UCMA: variants seen among roughly 807,000 people sequenced by gnomAD.
The protein encoded by UCMA is upper zone of growth plate and cartilage matrix associated.
In UCMA, 21 loss-of-function variants were observed where a neutral mutation model predicts 21.8. The ratio of observed to expected loss-of-function variants is 0.97; its 90% confidence interval spans 0.68 to 1.39. The LOEUF is 1.39. UCMA is among the 40% of genes most tolerant of loss of function. The pLI is 0.00. For missense variants in UCMA, 193 were observed against 178.9 expected (o/e 1.08, Z -0.45); for synonymous variants, 76 against 67.9 (o/e 1.12, Z -0.58).
chr10:13,228,014 C>T (rs1358736822), intron 4 of UCMA, among the ~76,000 whole-genome samples: 6 of 151,970 alleles, frequency 3.9e-5, no homozygotes, highest in South Asian at 4.2e-4. Flanking sequence ...TTGAGGGGTG[C>T]GGAATGCCTG....
At chr10:13,229,538 G>T in intron 4 of UCMA, 73 bp downstream of exon 4, 15 of 1,322,584 alleles carry the variant, frequency 1.1e-5, no homozygotes, top group South Asian at 2.6e-5. Context: ...TTGGGTAGAA[G>T]AAGAGAAAGC....
intron 3 of UCMA, among the ~76,000 whole-genome samples, chr10:13,232,942 T>TA (rs5783320): frequency 0.29 from 43,082 of 146,068 alleles, 8,269 homozygotes; most frequent in Non-Finnish European, 0.43. Flanking sequence ...AATGAAAACT[T>TA]AAAAAAAAAA....
At position 13,222,088 on chromosome 10, in the gene UCMA, G is replaced by A. The variant is rs774310569; in HGVS notation, c.*15C>T. On this transcript the variant is annotated 3_prime_UTR_variant, in exon 5 of 5. Coordinates refer to ENST00000378681, the MANE Select transcript of UCMA (RefSeq NM_145314.3). The stretch of plus-strand genomic sequence containing the variant: ...TGCTACAAGCTTTGTCTTCTTGGCC[G>A]GCTTCAGGATGGGATCAGGTGTGGT... 2.1e-5 allele frequency: 34 copies of A among 1,613,636 alleles called. No homozygotes were observed. The highest frequency in any genetic ancestry group is 8.9e-5 in the East Asian group (4 of 44,888).
chr10:13,234,366 G>A lies in UCMA; in HGVS notation c.-108C>T. On this transcript the variant is annotated 5_prime_UTR_variant, in exon 1 of 5. Coordinates refer to ENST00000378681, the MANE Select transcript of UCMA (RefSeq NM_145314.3). The stretch of plus-strand genomic sequence containing the variant: ...GGCAGCCCAGGCGAGAGGAAGGAAG[G>A]CGGGGGAGGGAAGAGAGAGGCAGGA... 1 of 1,173,908 alleles carries A rather than the reference G, an allele frequency of 8.5e-7. No homozygotes were observed. Among genetic ancestry groups the A allele is most frequent in the Non-Finnish European group, 1.2e-6 (1 of 833,564 alleles). 72.7% of individuals were successfully genotyped at this position (1,173,908 alleles called of 1,614,324 possible).
At chr10:13,233,945 C>G in intron 1 of UCMA, 145 bp from the exon 2 acceptor site, 1 of 1,048,360 alleles carries the variant, frequency 9.5e-7, no homozygotes, top group Non-Finnish European at 1.4e-6. Flanking sequence ...GCTGCAGAGC[C>G]AATCTCCCCA....
At chr10:13,228,343 C>T (rs1834851692) in intron 4 of UCMA, among the ~76,000 whole-genome samples, 1 of 152,098 alleles carries the variant, frequency 6.6e-6, no homozygotes, top group South Asian at 2.1e-4. Flanking sequence ...CCTCCCTGGG[C>T]CTTTCCTACT....
At position 13,221,963 on chromosome 10, in the gene UCMA, G is replaced by A. The variant is rs570384413; in HGVS notation, c.*140C>T. ...TCACACACTGGAAGGAAAGGCATGC[G>A]TCTTTTCAAGAGCTGCTGGCCACTG... On this transcript the variant is annotated 3_prime_UTR_variant, in exon 5 of 5. Transcript: ENST00000378681. 2.7e-5 allele frequency: 21 copies of A among 764,610 alleles called. No homozygotes were observed. Among genetic ancestry groups the A allele is most frequent in the South Asian group, 1.4e-4 (8 of 57,104 alleles). 47.4% of individuals were successfully genotyped at this position (764,610 alleles called of 1,614,324 possible). A position where few individuals can be genotyped will look rare whatever the true frequency, so the allele number is the denominator to read the frequency against.
chr10:13,229,491 G>T, intron 4 of UCMA, 120 bp downstream of exon 4: 1 of 843,158 alleles, frequency 1.2e-6, no homozygotes, highest in Non-Finnish European at 1.8e-6. Flanking sequence ...GGGCAACAGA[G>T]CAAGACTTCG....
At chr10:13,232,308 G>C (rs889057808) in intron 3 of UCMA, among the ~76,000 whole-genome samples, 2 of 146,868 alleles carry the variant, frequency 1.4e-5, no homozygotes, top group African/African-American at 2.5e-5. Flanking sequence ...GGAGGTGGAG[G>C]TTGCAATGAG....
At chr10:13,222,673 C>CT (rs138939237) in intron 4 of UCMA, among the ~76,000 whole-genome samples, 1,557 of 151,102 alleles carry the variant, frequency 0.01, 27 homozygotes, top group African/African-American at 0.036. Flanking sequence ...AATTAATTTT[C>CT]TTTTTTTTTC....
intron 4 of UCMA, among the ~76,000 whole-genome samples, chr10:13,223,086 C>T (rs193009541): frequency 6.6e-6 from 1 of 152,016 alleles, no homozygotes; most frequent in East Asian, 2.0e-4. Context: ...ATTAGCCAGG[C>T]ATGGTGACAC....
In UCMA at chr10:13,234,165, A is replaced by G. The variant is rs774103492; in HGVS notation, c.58+36T>C. ...GCATGGTAAGTCTCCCTTACCATGT[A>G]ACTAACACCCTCCACCTTGACCCTC... On this transcript the variant is annotated intron_variant, in intron 1 of 4. Coordinates refer to ENST00000378681, the MANE Select transcript of UCMA (RefSeq NM_145314.3). The G allele has an allele frequency of 3.3e-5, 53 of 1,587,238 alleles. No individual in the cohort carries two copies. In the Middle Eastern group the frequency reaches 5.0e-4, roughly 15 times the overall value.
chr10:13,232,600 T>A (rs1211581257), intron 3 of UCMA, among the ~76,000 whole-genome samples: 1 of 152,058 alleles, frequency 6.6e-6, no homozygotes, highest in Non-Finnish European at 1.5e-5. Context: ...TCAATTTTTT[T>A]TAAAAAAAGA....
rs952450650 is a variant in UCMA at position 13,232,134 on chromosome 10, G to C, written c.220+1404C>G. ...CATGCCTGTAATCTCAGCACTCTAA[G>C]AGGCCGAGGCAGGGGGGTCACCTGA... On this transcript the variant is annotated intron_variant, in intron 3 of 4. Transcript: ENST00000378681. Among the ~76,000 whole-genome samples, 3 of 140,100 alleles carry C rather than the reference G, an allele frequency of 2.1e-5. No individual in the cohort carries two copies. The Admixed American group carries it at 2.2e-4, about 10-fold the overall frequency. The allele number at this position is 140,100 out of a possible 152,430, so 91.9% of individuals were successfully genotyped here.
intron 1 of UCMA, 74 bp downstream of exon 1, chr10:13,234,127 C>T: frequency 7.0e-7 from 1 of 1,419,622 alleles, no homozygotes; most frequent in Non-Finnish European, 9.5e-7. Context: ...ATCACCTGAG[C>T]AGCCTTACCT....
At chr10:13,222,524 G>A (rs1221199925) in intron 4 of UCMA, among the ~76,000 whole-genome samples, 2 of 152,080 alleles carry the variant, frequency 1.3e-5, no homozygotes, top group Admixed American at 6.6e-5. Context: ...CAAGACACAA[G>A]ACGAAAAAGT....
chr10:13,233,934 A>C (rs1396039584), intron 1 of UCMA, 134 bp from the exon 2 acceptor site: 1 of 1,120,526 alleles, frequency 8.9e-7, no homozygotes. Flanking sequence ...CTCACGTACC[A>C]GCTGCAGAGC....
intron 4 of UCMA, 102 bp downstream of exon 4, chr10:13,229,509 A>G (rs1428826813): frequency 8.9e-7 from 1 of 1,126,194 alleles, no homozygotes; most frequent in African/African-American, 1.6e-5. Context: ...TCGTCTCAAA[A>G]AAAGAAAAAA....
rs1162393458 is a variant in UCMA, at chr10:13,234,355, GA to G, written c.-98del. 1.5e-6 allele frequency: 2 copies of G among 1,294,782 alleles called. No homozygotes were observed. The highest frequency in any genetic ancestry group is 2.2e-5 in the Admixed American group (1 of 45,630). 80.2% of individuals were successfully genotyped at this position (1,294,782 alleles called of 1,614,324 possible). On this transcript the variant is annotated 5_prime_UTR_variant, in exon 1 of 5. Transcript: ENST00000378681. ...CTTCTGAGGCAGGCAGCCCAGGCGA[GA>G]GGAAGGAAGGCGGGGGAGGGAAGAG...
Sources: allele counts gnomAD v4.1 joint callset (sites outside exome capture counted in the v4.1 genomes callset), GRCh38; gene constraint gnomAD v4.1.1; transcripts MANE v1.5; gene names NCBI Gene and HGNC (gene_info 2026-07-23, HGNC 2026-07-21).